ARHGAP24: variants seen among roughly 807,000 people sequenced by gnomAD.
The protein encoded by ARHGAP24 is Rho GTPase activating protein 24.
Under a neutral mutation model 76.4 loss-of-function variants are expected in ARHGAP24, and 50 were observed. The observed-to-expected ratio is 0.65, with a 90% CI of 0.52 to 0.83. The LOEUF (loss-of-function observed/expected upper bound fraction) is 0.83, where lower values mean the gene tolerates loss of function less well. ARHGAP24 is among the 40% of genes least tolerant of loss of function. The pLI, the probability that ARHGAP24 is intolerant of heterozygous loss-of-function variation, is 0.00. For missense variants in ARHGAP24, 930 were observed against 914.2 expected, an observed-to-expected ratio of 1.02 and a Z score of -0.22; for synonymous variants, 345 against 323.3, an observed-to-expected ratio of 1.07 and a Z score of -0.72.
intron 1 of ARHGAP24, among the ~76,000 whole-genome samples, chr4:85,552,945 G>A (rs368460248): frequency 2.0e-5 from 3 of 152,098 alleles, no homozygotes; most frequent in Admixed American, 6.5e-5. Flanking sequence ...CGCTGGTCTC[G>A]CTGACTTCAA....
chr4:85,819,992 T>C (rs1330934000), intron 3 of ARHGAP24, among the ~76,000 whole-genome samples: 2 of 152,112 alleles, frequency 1.3e-5, no homozygotes, highest in Non-Finnish European at 2.9e-5. Flanking sequence ...AAACCTCTTT[T>C]CTTTATAAAT....
At chr4:85,769,094 T>G (rs902248013) in intron 3 of ARHGAP24, among the ~76,000 whole-genome samples, 27 of 152,022 alleles carry the variant, frequency 1.8e-4, no homozygotes, top group Admixed American at 5.2e-4. Flanking sequence ...CATATCCTTA[T>G]GAAAAAAACG....
At position 85,750,181 on chromosome 4, in the gene ARHGAP24, ATAAG is replaced by A. The variant is rs560336008; in HGVS notation, c.268+28211_268+28214del. Among the ~76,000 whole-genome samples, 40 of 152,338 alleles carry A rather than the reference ATAAG, an allele frequency of 2.6e-4. No individual in the cohort carries two copies. The South Asian group carries it at 7.5e-3, about 28-fold the overall frequency. ...TATATAAATAATCGTCAGTTAATGT[ATAAG>A]TGTCAGTTAGTGATAAGTGCTATGT... is the stretch of plus-strand genomic sequence containing the variant. On this transcript the variant is annotated intron_variant, in intron 3 of 9. Transcript: ENST00000395184.
In ARHGAP24 at chr4:85,922,137, C is replaced by G. The variant is rs150727216; in HGVS notation, c.269-1511C>G. Reference sequence around the variant, plus strand: ...CCTATTTGATATAGTTTTTTTGAGCCCTTCCTCTGTTCCCATTTAGTTGTA... The same window carrying G: ...CCTATTTGATATAGTTTTTTTGAGCGCTTCCTCTGTTCCCATTTAGTTGTA... On this transcript the variant is annotated intron_variant, in intron 3 of 9. Coordinates refer to ENST00000395184, the MANE Select transcript of ARHGAP24 (RefSeq NM_001025616.3). Among the ~76,000 whole-genome samples, 85 of 152,160 alleles carry G rather than the reference C, an allele frequency of 5.6e-4. 1 individual carries two copies. Among genetic ancestry groups the G allele is most frequent in the African/African-American group, 2.0e-3 (82 of 41,528 alleles).
intron 1 of ARHGAP24, among the ~76,000 whole-genome samples, chr4:85,503,077 C>T (rs140550174): frequency 0.02 from 3,029 of 152,278 alleles, 38 homozygotes; most frequent in South Asian, 0.037. Flanking sequence ...CCGACTTGAT[C>T]GTAGTGGATA....
At chr4:85,785,855 AT>A (rs1727813947) in intron 3 of ARHGAP24, among the ~76,000 whole-genome samples, 1 of 152,162 alleles carries the variant, frequency 6.6e-6, no homozygotes, top group Non-Finnish European at 1.5e-5. Context: ...TCATAAATTA[AT>A]TTTCCAGAGT....
At chr4:85,610,531 C>T (rs1240488809) in intron 2 of ARHGAP24, among the ~76,000 whole-genome samples, 1 of 116,006 alleles carries the variant, frequency 8.6e-6, no homozygotes, top group Non-Finnish European at 1.8e-5. Flanking sequence ...AGATTTGACT[C>T]AGAATCACCA....
At chr4:85,578,805 A>G (rs1727491572) in intron 2 of ARHGAP24, among the ~76,000 whole-genome samples, 1 of 152,202 alleles carries the variant, frequency 6.6e-6, no homozygotes, top group Non-Finnish European at 1.5e-5. Flanking sequence ...TTAACACAGC[A>G]GTTTAGAAGT....
At chr4:85,734,126 A>C (rs1416133742) in intron 3 of ARHGAP24, among the ~76,000 whole-genome samples, 1 of 152,206 alleles carries the variant, frequency 6.6e-6, no homozygotes, top group Non-Finnish European at 1.5e-5. Flanking sequence ...AAATATTAAA[A>C]AAGCTGAGAG....
At chr4:85,585,640 G>C (rs1218746188) in intron 2 of ARHGAP24, among the ~76,000 whole-genome samples, 1 of 152,196 alleles carries the variant, frequency 6.6e-6, no homozygotes, top group East Asian at 1.9e-4. Context: ...TAATTTCATG[G>C]AATTGAGTAG....
At chr4:85,922,958 G>A (rs762972199) in intron 3 of ARHGAP24, among the ~76,000 whole-genome samples, 4 of 152,198 alleles carry the variant, frequency 2.6e-5, no homozygotes, top group Admixed American at 6.5e-5. Flanking sequence ...TTTGCACAGA[G>A]GCACTGCGGG....
chr4:85,874,938 T>TAAATATATTTTATATAATTTATATATA lies in ARHGAP24; in HGVS notation c.269-48708_269-48707insATATATTTTATATAATTTATATATAAA, dbSNP rs370946841. ...AATATATTTATATATAATTTATATA[T>TAAATATATTTTATATAATTTATATATA]AATATATTTTTATATAATTTATATA... On this transcript the variant is annotated intron_variant, in intron 3 of 9. Transcript: ENST00000395184. Among the ~76,000 whole-genome samples the TAAATATATTTTATATAATTTATATATA allele has an allele frequency of 6.9e-3, 80 of 11,534 alleles. 4 individuals are homozygous for TAAATATATTTTATATAATTTATATATA. Among genetic ancestry groups the TAAATATATTTTATATAATTTATATATA allele is most frequent in the Middle Eastern group, 0.042 (1 of 24 alleles). The allele number at this position is 11,534 out of a possible 152,430, so 7.6% of individuals were successfully genotyped here.
In ARHGAP24 at chr4:85,942,197, C is replaced by A. The variant is rs1200831096; in HGVS notation, c.523C>A (p.Arg175=). ...QRGLKEEGLF[R]LPGQANLVKE... ...GGGGCTGAAAGAAGAGGGTCTCTTT[C>A]GACTGCCAGGCCAGGCTAATCTTGT... The change falls in exon 5 of 10, where the codon CGA becomes AGA. Residue 175 remains arginine (R), a synonymous_variant. Coordinates refer to ENST00000395184, the MANE Select transcript of ARHGAP24 (RefSeq NM_001025616.3). 1 of 1,613,872 alleles carries A rather than the reference C, an allele frequency of 6.2e-7. No individual in the cohort carries two copies. Among genetic ancestry groups the A allele is most frequent in the African/African-American group, 1.3e-5 (1 of 74,864 alleles).
rs114759988 is a variant in ARHGAP24 at position 85,698,678 on chromosome 4, G to T, written c.181-23207G>T. Among the ~76,000 whole-genome samples the T allele has an allele frequency of 1.5e-3, 231 of 152,280 alleles. 1 individual carries two copies. The highest frequency in any genetic ancestry group is 5.4e-3 in the African/African-American group (223 of 41,568). On this transcript the variant is annotated intron_variant, in intron 2 of 9. Transcript: ENST00000395184. ...AGTCTGAAACCAGGGCGCCAACATG[G>T]TTGGGTTCTGGCGAGGGCTTCTTCC...
chr4:85,972,039 C>T lies in ARHGAP24; in HGVS notation c.603C>T (p.Asn201=). 1.2e-6 allele frequency: 2 copies of T among 1,614,046 alleles called. No homozygotes were observed. Among genetic ancestry groups the T allele is most frequent in the Admixed American group, 1.7e-5 (1 of 60,018 alleles). Residue 201 remains asparagine, a synonymous_variant, in exon 6 of 10, where the codon AAC becomes AAT. Transcript: ENST00000395184. The stretch of plus-strand genomic sequence containing the variant: ...CTTCACACTTCTGTCTCCACAGCAA[C>T]ACAGATGTACACACGGTGGCATCAC... ...DCGEKPSFDS[N]TDVHTVASLL...
chr4:85,803,182 T>C (rs1728648224), intron 3 of ARHGAP24, among the ~76,000 whole-genome samples: 1 of 152,222 alleles, frequency 6.6e-6, no homozygotes, highest in Non-Finnish European at 1.5e-5. Context: ...TCATGTGAAC[T>C]TCAGAATACC....
At chr4:85,595,032 A>G (rs910156712) in intron 2 of ARHGAP24, among the ~76,000 whole-genome samples, 10 of 151,474 alleles carry the variant, frequency 6.6e-5, no homozygotes, top group Non-Finnish European at 1.2e-4. Flanking sequence ...CCATATTGCT[A>G]TTCTACATCC....
intron 1 of ARHGAP24, among the ~76,000 whole-genome samples, chr4:85,563,586 C>T (rs1726684804): frequency 6.6e-6 from 1 of 152,206 alleles, no homozygotes; most frequent in South Asian, 2.1e-4. Flanking sequence ...AATACCATCA[C>T]ACTGGGTGTT....
chr4:85,490,406 A>C (rs1335374363), intron 1 of ARHGAP24, among the ~76,000 whole-genome samples: 1 of 152,188 alleles, frequency 6.6e-6, no homozygotes, highest in Non-Finnish European at 1.5e-5. Flanking sequence ...TTTTGCCTTA[A>C]ATCTGAGCTT....
Sources: gnomAD v4.1 joint callset for allele counts (sites outside exome capture counted in the v4.1 genomes callset) on GRCh38, gnomAD v4.1.1 for gene constraint, MANE v1.5 for transcripts, NCBI Gene and HGNC (gene_info 2026-07-23, HGNC 2026-07-21) for gene names.